CLDN10: variants seen among roughly 807,000 people sequenced by gnomAD.
The protein encoded by CLDN10 is claudin 10, also known as claudin-10.
In CLDN10, 15 loss-of-function variants were observed where a neutral mutation model predicts 22.9. The ratio of observed to expected loss-of-function variants is 0.65; its 90% CI spans 0.44 to 1.01. The LOEUF (loss-of-function observed/expected upper bound fraction) is 1.01. Ranked by LOEUF, CLDN10 falls within the 50% of genes least tolerant of loss-of-function variation. The pLI is 0.00. For missense variants in CLDN10, 247 were observed against 287.8 expected, an observed-to-expected ratio of 0.86 and a Z score of 1.03; for synonymous variants, 114 against 111.4, an observed-to-expected ratio of 1.02 and a Z score of -0.15.
chr13:95,571,801 TA>T (rs1214718637), intron 3 of CLDN10, among the ~76,000 whole-genome samples: 1 of 152,248 alleles, frequency 6.6e-6, no homozygotes, highest in African/African-American at 2.4e-5. Flanking sequence ...TTAACTTTGA[TA>T]ATATATGAGT....
chr13:95,560,732 A>G (rs2043698106), intron 3 of CLDN10: 1 of 371,608 alleles, frequency 2.7e-6, no homozygotes, highest in Non-Finnish European at 4.9e-6. Flanking sequence ...GCTGTACATC[A>G]TGAAACTGAG....
At chr13:95,468,341 A>T (rs1328927672) in intron 1 of CLDN10, among the ~76,000 whole-genome samples, 1 of 152,176 alleles carries the variant, frequency 6.6e-6, no homozygotes, top group Non-Finnish European at 1.5e-5. Flanking sequence ...TTGCTGGCTG[A>T]TATGACAAGA....
At chr13:95,573,667 T>C (rs748194652) in intron 3 of CLDN10, among the ~76,000 whole-genome samples, 5 of 152,214 alleles carry the variant, frequency 3.3e-5, no homozygotes, top group Non-Finnish European at 7.3e-5. Flanking sequence ...TGTCTTTCAA[T>C]AACACACGTC....
At chr13:95,462,505 T>A (rs1424638791) in intron 1 of CLDN10, among the ~76,000 whole-genome samples, 6 of 152,170 alleles carry the variant, frequency 3.9e-5, no homozygotes, top group African/African-American at 9.7e-5. Flanking sequence ...AGGCCCAGAA[T>A]AAACATGTGG....
intron 1 of CLDN10, among the ~76,000 whole-genome samples, chr13:95,452,108 A>G (rs2042437231): frequency 6.6e-6 from 1 of 152,196 alleles, no homozygotes; most frequent in African/African-American, 2.4e-5. Flanking sequence ...CAAGCTATCA[A>G]TGCTATTATC....
At chr13:95,548,574 T>C, upstream of CLDN10, among the ~76,000 whole-genome samples, 1 of 152,226 alleles carries the variant, frequency 6.6e-6, no homozygotes, top group East Asian at 1.9e-4. Flanking sequence ...ACTCTGTAGC[T>C]TTCATGCTAA....
intron 1 of CLDN10, among the ~76,000 whole-genome samples, chr13:95,457,727 A>G (rs1175866247): frequency 1.3e-5 from 2 of 152,094 alleles, no homozygotes; most frequent in Non-Finnish European, 2.9e-5. Context: ...CAGAAGAGGC[A>G]GCCTGGGTAT....
At chr13:95,500,330 G>C (rs1467939027) in intron 1 of CLDN10, among the ~76,000 whole-genome samples, 2 of 152,184 alleles carry the variant, frequency 1.3e-5, no homozygotes, top group Non-Finnish European at 2.9e-5. Flanking sequence ...AGCATCTCTG[G>C]GAAGTACCTA....
chr13:95,547,246 C>T (rs2043519375), intron 1 of CLDN10, among the ~76,000 whole-genome samples: 2 of 152,104 alleles, frequency 1.3e-5, no homozygotes, highest in South Asian at 4.2e-4. Context: ...GCCTCACTCC[C>T]AACCACTTTT....
intron 1 of CLDN10, among the ~76,000 whole-genome samples, chr13:95,507,158 C>G (rs2043046579): frequency 6.6e-6 from 1 of 152,058 alleles, no homozygotes; most frequent in African/African-American, 2.4e-5. Flanking sequence ...AAAAATATTC[C>G]TTTGATCGAT....
chr13:95,475,325 G>A (rs1265847157), intron 1 of CLDN10, among the ~76,000 whole-genome samples: 2 of 152,208 alleles, frequency 1.3e-5, no homozygotes, highest in East Asian at 1.9e-4. Flanking sequence ...CAAAAGGGGA[G>A]CACCTGGTCC....
At chr13:95,478,666 T>A (rs766793462) in intron 1 of CLDN10, among the ~76,000 whole-genome samples, 19 of 152,186 alleles carry the variant, frequency 1.2e-4, no homozygotes, top group Non-Finnish European at 2.4e-4. Flanking sequence ...GCTTCGTTGG[T>A]TCTTACCCGG....
chr13:95,481,300 G>C (rs79439946), intron 1 of CLDN10, among the ~76,000 whole-genome samples: 9,442 of 152,222 alleles, frequency 0.062, 394 homozygotes, highest in Non-Finnish European at 0.086. Flanking sequence ...TGCACTGAGG[G>C]GAAGGGCAGC....
intron 1 of CLDN10, among the ~76,000 whole-genome samples, chr13:95,505,469 T>C (rs1229332755): frequency 1.3e-5 from 2 of 152,214 alleles, no homozygotes; most frequent in African/African-American, 4.8e-5. Context: ...CTCTCATTCG[T>C]ATAAGGACTA....
chr13:95,454,574 G>A (rs369501143), intron 1 of CLDN10, among the ~76,000 whole-genome samples: 3 of 152,282 alleles, frequency 2.0e-5, no homozygotes, highest in African/African-American at 7.2e-5. Flanking sequence ...ATTGCAGGGC[G>A]GGAAGCAAAG....
chr13:95,527,902 A>G (rs980481739), intron 1 of CLDN10, among the ~76,000 whole-genome samples: 1 of 152,184 alleles, frequency 6.6e-6, no homozygotes, highest in Non-Finnish European at 1.5e-5. Flanking sequence ...GTTTTTTGCT[A>G]TTCGACTGCT....
At chr13:95,577,203 G>A in intron 3 of CLDN10, 28 bp from the exon 4 acceptor site, 4 of 1,451,818 alleles carry the variant, frequency 2.8e-6, no homozygotes, top group African/African-American at 1.4e-5. Context: ...TAAGTGAGCT[G>A]TAATACTTGT....
At chr13:95,574,897 A>T (rs2043904927) in intron 3 of CLDN10, among the ~76,000 whole-genome samples, 1 of 152,222 alleles carries the variant, frequency 6.6e-6, no homozygotes, top group Admixed American at 6.5e-5. Flanking sequence ...CCAATTCCTC[A>T]TCCGCCTGGG....
exon 1 of CLDN10, chr13:95,433,901 C>A (rs2042237219): frequency 6.2e-7 from 1 of 1,614,086 alleles, no homozygotes; most frequent in Admixed American, 1.7e-5. Context: ...GTTGCTGCTA[C>A]CACGTCCAAT....
Sources: allele counts gnomAD v4.1 joint callset (sites outside exome capture counted in the v4.1 genomes callset), GRCh38; gene constraint gnomAD v4.1.1; transcripts MANE v1.5; gene names NCBI Gene and HGNC (gene_info 2026-07-23, HGNC 2026-07-21).